The following INPPL1 variants were observed in gnomAD, a reference collection of about 807,000 sequenced individuals.
INPPL1 encodes phosphatidylinositol 3,4,5-trisphosphate 5-phosphatase 2.
Under a neutral mutation model 139.3 loss-of-function variants are expected in INPPL1, and 91 were observed. The ratio of observed to expected loss-of-function variants is 0.65; its 90% CI spans 0.55 to 0.78. The LOEUF (loss-of-function observed/expected upper bound fraction) is 0.78. Ranked by LOEUF, INPPL1 falls within the 30% of genes least tolerant of loss-of-function variation. INPPL1 has a pLI of 0.00. For missense variants in INPPL1, 1,411 were observed against 1,665.6 expected (o/e 0.85, Z 2.66); for synonymous variants, 719 against 686.6 (o/e 1.05, Z -0.74).
rs1948824888 is a variant in INPPL1, at chr11:72,231,192, GA to G, written c.1497+4del. ...TTACGGATCTGGATTACCGCCCGGTGAGGGGGGGTCATCTTGTCCAGGACCC... is the reference window on the plus strand; with the variant it reads ...TTACGGATCTGGATTACCGCCCGGTGGGGGGGGTCATCTTGTCCAGGACCC... On this transcript the variant is annotated splice_donor_region_variant and intron_variant, in intron 12 of 27. Coordinates refer to ENST00000298229, the MANE Select transcript of INPPL1 (RefSeq NM_001567.4). The G allele has an allele frequency of 6.2e-7, 1 of 1,608,674 alleles. No individual in the cohort carries two copies. Among genetic ancestry groups the G allele is most frequent in the Non-Finnish European group, 8.5e-7 (1 of 1,178,548 alleles).
chr11:72,223,828 C>T (rs1311377721), upstream of INPPL1: 1 of 150,178 alleles, frequency 6.7e-6, no homozygotes, highest in East Asian at 2.0e-4. Flanking sequence ...GGTGCTGCCC[C>T]CGGCTCCCCG....
chr11:72,229,549 G>A lies in INPPL1; in HGVS notation c.744G>A (p.Leu248=). 8 of 1,614,114 alleles carry A rather than the reference G, an allele frequency of 5.0e-6. No homozygotes were observed. Among genetic ancestry groups the A allele is most frequent in the Non-Finnish European group, 6.8e-6 (8 of 1,179,996 alleles). ...GCTCGCCCATGGTGACCCGCCTTTT[G>A]CAGCAGCAGGTAGATTGTAGGGAGA... ...QQSSPMVTRL[L]QQQNLPQTGE... Residue 248 remains leucine, a synonymous_variant, in exon 6 of 28, where the codon TTG becomes TTA. Coordinates refer to ENST00000298229, the MANE Select transcript of INPPL1 (RefSeq NM_001567.4).
rs1208420367 is a variant in INPPL1, at chr11:72,225,018, G to A, written c.34G>A (p.Gly12Ser). Residue 12 changes from glycine (G) to serine (S), a missense_variant, in exon 1 of 28, where the codon GGC becomes AGC. Gly to Ser is a moderately conservative substitution (Grantham distance 56). Transcript: ENST00000298229. ...ASACGAPGPGGALGSQAPSWY... is the reference protein window; with the variant it reads ...ASACGAPGPGSALGSQAPSWY... ...GGCCTGCGGGGCGCCGGGCCCGGGG[G>A]GCGCCCTGGGCAGCCAGGCCCCCTC... The A allele has an allele frequency of 9.0e-6, 11 of 1,217,086 alleles. No individual in the cohort carries two copies. Among genetic ancestry groups the A allele is most frequent in the Non-Finnish European group, 1.0e-5 (10 of 978,950 alleles). The allele number at this position is 1,217,086 out of a possible 1,614,324, so 75.4% of individuals were successfully genotyped here.
intron 7 of INPPL1, 51 bp from the exon 8 acceptor site, chr11:72,229,873 C>A: frequency 6.3e-7 from 1 of 1,583,214 alleles, no homozygotes; most frequent in Non-Finnish European, 8.7e-7. Context: ...TCCCTCCCTG[C>A]CCCAGCCTTC....
chr11:72,233,198 C>A, intron 17 of INPPL1, 35 bp downstream of exon 17: 3 of 1,574,914 alleles, frequency 1.9e-6, no homozygotes, highest in African/African-American at 1.3e-5. Flanking sequence ...CTTGGGGGAC[C>A]GCAGGCCTGC....
rs375108273 is a variant in INPPL1 at position 72,238,161 on chromosome 11, C to T, written c.3672C>T (p.Asp1224=). ...GCCTGGTGCATAATGGCTGGGACGA[C>T]CTGGAGTTTCTCAGGTGGGGGAGGG... ...EEGLVHNGWD[D]LEFLSDITEE... is the part of the protein sequence containing the mutation. Residue 1224 remains aspartate, a synonymous_variant, in exon 27 of 28, where the codon GAC becomes GAT. Transcript: ENST00000298229. 182 of 1,599,318 alleles carry T rather than the reference C, an allele frequency of 1.1e-4. No individual in the cohort carries two copies. The highest frequency in any genetic ancestry group is 1.5e-4 in the Non-Finnish European group (174 of 1,173,090).
intron 9 of INPPL1, 23 bp from the exon 10 acceptor site, chr11:72,230,339 G>C (rs747347053): frequency 1.2e-6 from 2 of 1,613,722 alleles, no homozygotes; most frequent in Non-Finnish European, 8.5e-7. Context: ...ACAGGCCCAT[G>C]TGACCGGTCC....
rs756301475 is a variant in INPPL1 at position 72,231,539 on chromosome 11, G to A, written c.1539G>A (p.Leu513=). The A allele has an allele frequency of 1.2e-6, 2 of 1,613,858 alleles. No individual in the cohort carries two copies. The highest frequency in any genetic ancestry group is 2.7e-5 in the African/African-American group (2 of 74,914). ...TGTGGAATATCAAGGTGGCAGTGCT[G>A]GTCAAGCCAGAGCACGAGAACCGTA... The part of the protein sequence containing the change: ...QSLWNIKVAV[L]VKPEHENRIS... Residue 513 remains leucine (L), a synonymous_variant, in exon 13 of 28, where the codon CTG becomes CTA. Transcript: ENST00000298229.
chr11:72,230,590 G>A (rs1244743822), intron 10 of INPPL1, 122 bp downstream of exon 10: 1 of 988,252 alleles, frequency 1.0e-6, no homozygotes, highest in Non-Finnish European at 1.6e-6. Context: ...GGCAGGGGTA[G>A]GTCTGACAGG....
rs374105274 is a variant in INPPL1 at position 72,234,247 on chromosome 11, G to C, written c.2213-34G>C. ...TCCCATTCCTCCTGTGATCCTCTCA[G>C]TCCTCCTGTTTGTTCTCCTCCCTTT... On this transcript the variant is annotated intron_variant, in intron 19 of 27. Transcript: ENST00000298229. The surrounding 1 kb of genome is among the most constrained non-coding windows in gnomAD (Gnocchi z 4.2). 1.0e-4 allele frequency: 151 copies of C among 1,476,288 alleles called. No individual in the cohort carries two copies. Among genetic ancestry groups the C allele is most frequent in the Non-Finnish European group, 1.3e-4 (140 of 1,055,324 alleles). The allele number at this position is 1,476,288 out of a possible 1,614,324, so 91.4% of individuals were successfully genotyped here.
rs766088509 is a variant in INPPL1, at chr11:72,228,796, C to G, written c.467C>G (p.Pro156Arg). Residue 156 changes from proline (P) to arginine (R), a missense_variant, in exon 4 of 28, where the codon CCC becomes CGC. By Grantham distance (103) the Pro-to-Arg change is moderately radical. Around this residue, in one of 5 missense-constraint regions of INPPL1, gnomAD observed 504 missense variants for 595.6 expected, o/e 0.85. Coordinates refer to ENST00000298229, the MANE Select transcript of INPPL1 (RefSeq NM_001567.4). The surrounding 1 kb of genome is among the most constrained non-coding windows in gnomAD (Gnocchi z 5.0). Reference protein sequence around the residue: ...GSTSISAPTGPSSPLPAPETP... With the variant: ...GSTSISAPTGRSSPLPAPETP... ...ACCAGCATTTCTGCCCCCACTGGGC[C>G]CAGCAGTCCCCTGCCAGCTCCTGAG... 9 of 1,612,784 alleles carry G rather than the reference C, an allele frequency of 5.6e-6. No individual in the cohort carries two copies. The highest frequency in any genetic ancestry group is 7.6e-6 in the Non-Finnish European group (9 of 1,179,428).
upstream of INPPL1, chr11:72,223,808 G>C (rs1324076608): frequency 2.0e-5 from 3 of 150,528 alleles, no homozygotes; most frequent in Non-Finnish European, 4.5e-5. Context: ...GGCGGGGTGA[G>C]GCGAGGCGCG....
Position 72,228,826 on chromosome 11 carries a change from C to T in INPPL1, c.497C>T (p.Pro166Leu). Residue 166 changes from proline to leucine, a missense_variant, in exon 4 of 28, where the codon CCC (proline) becomes CTC (leucine). Around this residue, in one of 5 missense-constraint regions of INPPL1, gnomAD observed 504 missense variants for 595.6 expected, o/e 0.85. Transcript: ENST00000298229. This position sits in a 1 kb window ranked among gnomAD's most constrained non-coding sequence, Gnocchi z 5.0. ...AGTCCCCTGCCAGCTCCTGAGACTC[C>T]CACAGCTCCAGCTGCTGAGAGGTGA... ...PSSPLPAPET[P>L]TAPAAESAPN... The T allele has an allele frequency of 6.2e-7, 1 of 1,611,112 alleles. No individual in the cohort carries two copies. Among genetic ancestry groups the T allele is most frequent in the Non-Finnish European group, 8.5e-7 (1 of 1,178,464 alleles).
chr11:72,226,177 CTTTTTTTTTTTT>C (rs772547413), intron 1 of INPPL1, among the ~76,000 whole-genome samples: 1 of 129,820 alleles, frequency 7.7e-6, no homozygotes, highest in Non-Finnish European at 1.6e-5. Flanking sequence ...CAGGGGAGAC[CTTTTTTTTTTTT>C]TTTTTTTTTG....
Position 72,237,630 on chromosome 11 carries a change from C to T in INPPL1, c.3386C>T (p.Thr1129Met), listed in dbSNP as rs776092159. ...RSCSVLQMAK[T>M]LSEVDYAPAG... is the part of the protein sequence containing the mutation. Reference sequence around the variant, plus strand: ...TGCTCGGTGCTGCAGATGGCCAAGACGCTGAGCGAGGTGGACTATGCCCCT... The same window carrying T: ...TGCTCGGTGCTGCAGATGGCCAAGATGCTGAGCGAGGTGGACTATGCCCCT... Residue 1129 changes from threonine (T) to methionine (M), a missense_variant, in exon 26 of 28, where the codon ACG becomes ATG. Thr to Met is a moderately conservative substitution (Grantham distance 81). Transcript: ENST00000298229. The T allele has an allele frequency of 1.7e-5, 27 of 1,607,642 alleles. No individual in the cohort carries two copies. Among genetic ancestry groups the T allele is most frequent in the Admixed American group, 1.0e-4 (6 of 59,736 alleles).
At position 72,224,931 on chromosome 11, in the gene INPPL1, G is replaced by A; in HGVS notation, c.-54G>A. The stretch of plus-strand genomic sequence containing the variant: ...CCCCAGCCTCAGCCCTGAGCGTCTC[G>A]GGGCGGATGGCGCGGGGCGGCGGGG... On this transcript the variant is annotated 5_prime_UTR_variant, in exon 1 of 28. Coordinates refer to ENST00000298229, the MANE Select transcript of INPPL1 (RefSeq NM_001567.4). 1 of 1,032,454 alleles carries A rather than the reference G, an allele frequency of 9.7e-7. No homozygotes were observed. The highest frequency in any genetic ancestry group is 1.7e-5 in the African/African-American group (1 of 58,266). The allele number at this position is 1,032,454 out of a possible 1,614,324, so 64.0% of individuals were successfully genotyped here. A position where few individuals can be genotyped will look rare whatever the true frequency, so the allele number is the denominator to read the frequency against.
At chr11:72,233,000 A>C in intron 16 of INPPL1, 26 bp downstream of exon 16, 1 of 1,612,096 alleles carries the variant, frequency 6.2e-7, no homozygotes, top group Non-Finnish European at 8.5e-7. Flanking sequence ...GTAGGTGGTG[A>C]TCTGAGGGCT....
In INPPL1 at chr11:72,235,724, C is replaced by G. The variant is rs747482629; in HGVS notation, c.2709C>G (p.Pro903=). The G allele has an allele frequency of 2.1e-5, 34 of 1,614,066 alleles. No individual in the cohort carries two copies. The highest frequency in any genetic ancestry group is 7.7e-5 in the South Asian group (7 of 91,076). The change falls in exon 24 of 28, where the codon CCC becomes CCG. Residue 903 remains proline, a synonymous_variant. Coordinates refer to ENST00000298229, the MANE Select transcript of INPPL1 (RefSeq NM_001567.4). The surrounding 1 kb of genome is among the most constrained non-coding windows in gnomAD (Gnocchi z 4.9). ...AGGCAGGAGCAAAGAGCAAAGCCCC[C>G]TCTGTGTCCCGAGGGAGCCAGGAGC... ...KDEAGAKSKA[P]SVSRGSQEPR...
rs746930506 is a variant in INPPL1, at chr11:72,238,027, G to A, written c.3553-15G>A. ...GGGGGCACTCAGCTCCCCCTGACAT[G>A]CCCTGTTTCCTTAGGCTCCGTGCCT... On this transcript the variant is annotated splice_polypyrimidine_tract_variant and intron_variant, in intron 26 of 27. Coordinates refer to ENST00000298229, the MANE Select transcript of INPPL1 (RefSeq NM_001567.4). 5.9e-6 allele frequency: 9 copies of A among 1,528,998 alleles called. No homozygotes were observed. In the South Asian group the frequency reaches 7.8e-5, roughly 13 times the overall value. The allele number at this position is 1,528,998 out of a possible 1,614,324, so 94.7% of individuals were successfully genotyped here.
Sources: gnomAD v4.1 joint callset for allele counts (sites outside exome capture counted in the v4.1 genomes callset) on GRCh38, gnomAD v4.1.1 for gene constraint, gnomAD v4.1.1 regional missense constraint, Gnocchi (gnomAD v3.1) non-coding constraint, MANE v1.5 for transcripts, NCBI Gene and HGNC (gene_info 2026-07-23, HGNC 2026-07-21) for gene names.